The following KRT72 variants were observed in gnomAD, a reference collection of about 807,000 sequenced individuals.
The protein encoded by KRT72 is keratin 72.
KRT72 carries 44 observed loss-of-function variants against 44.7 expected under a neutral mutation model. That is an observed-to-expected ratio of 0.98 (90% confidence interval 0.77 to 1.27). The LOEUF is 1.27. Ranked by LOEUF, KRT72 falls within the 50% of genes most tolerant of loss-of-function variation. KRT72 has a pLI of 0.00. For synonymous variants in KRT72, 302 were observed against 280.4 expected, an observed-to-expected ratio of 1.08 and a Z score of -0.77; for missense variants, 736 against 667.1, an observed-to-expected ratio of 1.10 and a Z score of -1.14.
At chr12:52,588,885 A>C (rs1939887455) in intron 6 of KRT72, among the ~76,000 whole-genome samples, 1 of 152,086 alleles carries the variant, frequency 6.6e-6, no homozygotes, top group Non-Finnish European at 1.5e-5. Flanking sequence ...CTGTGGTCCC[A>C]GCTACTCGAG....
Position 52,590,948 on chromosome 12 carries a change from T to A in KRT72, c.977A>T (p.Gln326Leu). 1 of 1,594,770 alleles carries A rather than the reference T, an allele frequency of 6.3e-7. No homozygotes were observed. Among genetic ancestry groups the A allele is most frequent in the Non-Finnish European group, 8.6e-7 (1 of 1,166,622 alleles). The change falls in exon 6 of 9, where the codon CAG becomes CTG. Residue 326 changes from glutamine to leucine, a missense_variant. By Grantham distance (113) the Gln-to-Leu change is moderately radical. Transcript: ENST00000293745. The stretch of plus-strand genomic sequence containing the variant: ...ATCCCCATGCTGGCCTGCTGTGACC[T>A]GCAGCTCCTGGATCTGAGGTTGGGT... ...TLYQTKIQEL[Q>L]VTAGQHGDDL... is the part of the protein sequence containing the mutation.
In KRT72 at chr12:52,587,735, C is replaced by T; in HGVS notation, c.1206G>A (p.Glu402=). ...LEGALHQAKE[E]LARMLREYQE... ...GGTACTCACGCAGCATCCGTGCCAG[C>T]TCCTCCTTGGCCTGGTGCAGGGCGC... is the stretch of plus-strand genomic sequence containing the variant. The change falls in exon 7 of 9, where the codon GAG becomes GAA. Residue 402 remains glutamate, a synonymous_variant. Coordinates refer to ENST00000293745, the MANE Select transcript of KRT72 (RefSeq NM_080747.3). 1 of 1,614,226 alleles carries T rather than the reference C, an allele frequency of 6.2e-7. No homozygotes were observed. The highest frequency in any genetic ancestry group is 1.6e-4 in the Middle Eastern group (1 of 6,062).
At chr12:52,586,719 C>T (rs1401462871) in intron 8 of KRT72, among the ~76,000 whole-genome samples, 1 of 152,212 alleles carries the variant, frequency 6.6e-6, no homozygotes, top group Admixed American at 6.5e-5. Flanking sequence ...GGATGATACA[C>T]TCATGAGTAT....
At chr12:52,591,718 C>T in intron 4 of KRT72, 90 bp from the exon 5 acceptor site, 1 of 1,286,206 alleles carries the variant, frequency 7.8e-7, no homozygotes, top group Non-Finnish European at 1.1e-6. Flanking sequence ...CCTCACTGTC[C>T]CTCTGCCTTT....
chr12:52,597,439 G>A (rs1940261786), intron 2 of KRT72, among the ~76,000 whole-genome samples: 1 of 152,180 alleles, frequency 6.6e-6, no homozygotes, highest in South Asian at 2.1e-4. Context: ...CCCACAGGTG[G>A]AAGAGATGGG....
At chr12:52,587,381 C>G (rs549800936) in intron 7 of KRT72, among the ~76,000 whole-genome samples, 5 of 152,274 alleles carry the variant, frequency 3.3e-5, no homozygotes, top group Admixed American at 6.5e-5. Context: ...AAAAATGCAC[C>G]ATGAACGGTC....
At chr12:52,588,279 A>G (rs1939858768) in intron 6 of KRT72, among the ~76,000 whole-genome samples, 1 of 152,266 alleles carries the variant, frequency 6.6e-6, no homozygotes, top group Non-Finnish European at 1.5e-5. Context: ...ATGAGGGCTA[A>G]TAAAGTTCCT....
chr12:52,599,217 G>A (rs925075970), intron 1 of KRT72, 105 bp from the exon 2 acceptor site: 6 of 1,067,168 alleles, frequency 5.6e-6, no homozygotes, highest in Non-Finnish European at 8.5e-6. Context: ...GGGACTGGGG[G>A]TAGGAGAAAA....
chr12:52,587,935 G>A (rs1464907513), intron 6 of KRT72, 84 bp from the exon 7 acceptor site: 1 of 1,328,940 alleles, frequency 7.5e-7, no homozygotes, highest in African/African-American at 1.5e-5. Flanking sequence ...GTTTTGTCCT[G>A]ACTGATGGCA....
chr12:52,599,402 G>A (rs769009545), intron 1 of KRT72: 2 of 508,234 alleles, frequency 3.9e-6, no homozygotes, highest in South Asian at 3.1e-5. Context: ...TATAAATGCT[G>A]GTGTTTTCTG....
chr12:52,586,835 C>A, intron 8 of KRT72, 111 bp downstream of exon 8: 1 of 1,039,478 alleles, frequency 9.6e-7, no homozygotes, highest in South Asian at 1.3e-5. Flanking sequence ...TCCCTTAAGT[C>A]TCCCCTGAGC....
rs746726282 is a variant in KRT72 at position 52,592,952 on chromosome 12, C to T, written c.642G>A (p.Arg214=). 6.8e-6 allele frequency: 11 copies of T among 1,613,340 alleles called. No individual in the cohort carries two copies. In the South Asian group the frequency reaches 9.9e-5, roughly 15 times the overall value. The change falls in exon 3 of 9, where the codon AGG becomes AGA. Residue 214 remains arginine, a splice_region_variant and synonymous_variant. Transcript: ENST00000293745. ...TGCGTCTGTTAATCTCCACCTCATA[C>T]CTGCATGGGGCAAGACAATGAGGTA... ...MQDLVEDYKK[R]YEVEINRRTA...
intron 6 of KRT72, among the ~76,000 whole-genome samples, chr12:52,588,171 TA>T (rs1192485698): frequency 1.3e-5 from 2 of 152,260 alleles, no homozygotes; most frequent in Non-Finnish European, 2.9e-5. Context: ...GTAAGATTCT[TA>T]TGTCAACTCT....
At chr12:52,599,956 A>C (rs1239209018) in intron 1 of KRT72, among the ~76,000 whole-genome samples, 1 of 152,126 alleles carries the variant, frequency 6.6e-6, no homozygotes, top group African/African-American at 2.4e-5. Flanking sequence ...GGCACCATAA[A>C]TGTCAGCTAT....
chr12:52,601,680 C>T (rs1232117805), upstream of KRT72: 3 of 561,088 alleles, frequency 5.3e-6, no homozygotes, highest in Non-Finnish European at 9.3e-6. Flanking sequence ...CCCCATGAAT[C>T]CCTGTAAAGT....
chr12:52,591,710 T>C, intron 4 of KRT72, 82 bp from the exon 5 acceptor site: 4 of 1,333,520 alleles, frequency 3.0e-6, no homozygotes, highest in Non-Finnish European at 3.2e-6. Flanking sequence ...GGCAAATTCC[T>C]CACTGTCCCT....
Position 52,590,826 on chromosome 12 carries a change from T to C in KRT72, c.1089+10A>G, listed in dbSNP as rs1939977263. On this transcript the variant is annotated intron_variant, in intron 6 of 8. Transcript: ENST00000293745. ...AAATACTGTTAGTGGATTAATTTCA[T>C]AGAACCCACCTGCTTCTTCACATTC... is the stretch of plus-strand genomic sequence containing the variant. 1 of 1,565,346 alleles carries C rather than the reference T, an allele frequency of 6.4e-7. No homozygotes were observed. The highest frequency in any genetic ancestry group is 1.7e-5 in the Admixed American group (1 of 57,324).
At position 52,587,655 on chromosome 12, in the gene KRT72, T is replaced by C. The variant is rs778921794; in HGVS notation, c.1286A>G (p.Lys429Arg). The part of the protein sequence containing the change: ...ALDMEIATYR[K>R]LLESEECRMS... ...CCTGCACTCCTCGCTCTCCAGCAGC[T>C]TGCGGTAGGTGGCGATCTCCATATC... Residue 429 changes from lysine to arginine, a missense_variant, in exon 7 of 9, where the codon AAG (lysine) becomes AGG (arginine). Physicochemically the swap from Lys to Arg is conservative, Grantham distance 26. Transcript: ENST00000293745. 3 of 1,614,068 alleles carry C rather than the reference T, an allele frequency of 1.9e-6. No homozygotes were observed. In the African/African-American group the frequency reaches 4.0e-5, roughly 22 times the overall value.
chr12:52,601,491 A>C, upstream of KRT72: 1 of 1,529,308 alleles, frequency 6.5e-7, no homozygotes, highest in Non-Finnish European at 8.7e-7. Flanking sequence ...GGGAGGCAGA[A>C]GGGGCGCAAA....
Sources: gnomAD v4.1 joint callset for allele counts (sites outside exome capture counted in the v4.1 genomes callset) on GRCh38, gnomAD v4.1.1 for gene constraint, MANE v1.5 for transcripts, NCBI Gene and HGNC (gene_info 2026-07-23, HGNC 2026-07-21) for gene names.